Variants in ZNF644 observed in about 807,000 individuals in gnomAD.
The protein encoded by ZNF644 is zinc finger motif enhancer binding protein 2.
A neutral mutation model predicts 108.0 loss-of-function variants in ZNF644; 20 were observed. The ratio of observed to expected loss-of-function variants is 0.19; its 90% CI spans 0.13 to 0.27. The LOEUF is 0.27. ZNF644 is among the 10% of genes least tolerant of loss of function. ZNF644 has a pLI of 1.00. For missense variants in ZNF644, 1,338 were observed against 1,548.9 expected, an observed-to-expected ratio of 0.86 and a Z score of 2.29; for synonymous variants, 542 against 539.1, an observed-to-expected ratio of 1.01 and a Z score of -0.08.
chr1:90,999,169 T>A (rs1318804037), intron 1 of ZNF644, among the ~76,000 whole-genome samples: 1 of 152,008 alleles, frequency 6.6e-6, no homozygotes, highest in Non-Finnish European at 1.5e-5. Flanking sequence ...CAGGCCAACA[T>A]TCAAATTCAG....
intron 5 of ZNF644, 127 bp from the exon 6 acceptor site, chr1:90,917,117 A>G: frequency 3.1e-6 from 3 of 964,108 alleles, no homozygotes; most frequent in South Asian, 1.5e-5. Context: ...TAAAGTTTCT[A>G]AAGTCAAATG....
In ZNF644 at chr1:91,002,059, C is replaced by T. The variant is rs189643607; in HGVS notation, c.-17-19689G>A. 1.6e-3 allele frequency among the ~76,000 whole-genome samples: 239 copies of T among 152,300 alleles called. 1 individual carries two copies. Among genetic ancestry groups the T allele is most frequent in the African/African-American group, 5.7e-3 (235 of 41,564 alleles). On this transcript the variant is annotated intron_variant, in intron 1 of 5. Transcript: ENST00000337393. ...CAAACAAATGGAAGAACATTCCATG[C>T]TCATGGATAGGAAGAATCAGTATCG... is the stretch of plus-strand genomic sequence containing the variant.
Position 90,937,886 on chromosome 1 carries a change from A to G in ZNF644, c.3287T>C (p.Leu1096Ser). 6.2e-7 allele frequency: 1 copy of G among 1,613,874 alleles called. No homozygotes were observed. Among genetic ancestry groups the G allele is most frequent in the South Asian group, 1.1e-5 (1 of 91,064 alleles). Reference sequence around the variant, plus strand: ...TCTGGGAATAATACGACGACTGTTCAATGCCTTTAAGATTTTTTCATATTT... The same window carrying G: ...TCTGGGAATAATACGACGACTGTTCGATGCCTTTAAGATTTTTTCATATTT... ...EEKYEKILKA[L>S]NSRRIIPRPF... Residue 1096 changes from leucine (L) to serine (S), a missense_variant, in exon 4 of 6, where the codon TTG (leucine) becomes TCG (serine). Coordinates refer to ENST00000337393, the MANE Select transcript of ZNF644 (RefSeq NM_201269.3).
At chr1:91,006,957 GA>G (rs1659486598) in intron 1 of ZNF644, among the ~76,000 whole-genome samples, 1 of 152,066 alleles carries the variant, frequency 6.6e-6, no homozygotes, top group Non-Finnish European at 1.5e-5. Flanking sequence ...GAATAGTTTG[GA>G]AATAACTTTC....
In ZNF644 at chr1:90,940,587, T is replaced by C. The variant is rs375296815; in HGVS notation, c.767A>G (p.Asp256Gly). The C allele has an allele frequency of 9.3e-6, 15 of 1,614,010 alleles. No individual in the cohort carries two copies. The African/African-American group carries it at 1.9e-4, about 20-fold the overall frequency. The change falls in exon 3 of 6, where the codon GAT becomes GGT. Residue 256 changes from aspartate to glycine, a missense_variant. Coordinates refer to ENST00000337393, the MANE Select transcript of ZNF644 (RefSeq NM_201269.3). ...CTCTTTTTGGGGATCCCAGTTTGTA[T>C]CATTTTCTGACCTAAATCCATCTGT... The part of the protein sequence containing the change: ...SGTDGFRSEN[D>G]TNWDPQKEFI...
chr1:91,013,451 TCA>T (rs10590932), intron 1 of ZNF644, among the ~76,000 whole-genome samples: 32,656 of 139,652 alleles, frequency 0.23, 3,599 homozygotes, highest in Middle Eastern at 0.34. Flanking sequence ...AATCTCTCTC[TCA>T]CACACACACA....
chr1:90,947,344 A>G (rs1652623085), intron 2 of ZNF644, among the ~76,000 whole-genome samples: 1 of 152,204 alleles, frequency 6.6e-6, no homozygotes, highest in South Asian at 2.1e-4. Flanking sequence ...TAAGCATTTA[A>G]GCATTTGAAA....
intron 1 of ZNF644, among the ~76,000 whole-genome samples, chr1:91,003,026 A>G (rs575010719): frequency 7.2e-5 from 11 of 152,312 alleles, no homozygotes; most frequent in East Asian, 1.9e-4. Flanking sequence ...AAAAGTCAGG[A>G]AACAACAGGT....
Position 90,982,417 on chromosome 1 carries a change from G to T in ZNF644, c.-17-47C>A. ...ACCAAGGTTTAATTTTTTGTTTCAGGCATGAATAACCATAGCTACAATACA... is the reference window on the plus strand; with the variant it reads ...ACCAAGGTTTAATTTTTTGTTTCAGTCATGAATAACCATAGCTACAATACA... On this transcript the variant is annotated intron_variant, in intron 1 of 5. Transcript: ENST00000337393. 2.9e-6 allele frequency: 4 copies of T among 1,395,158 alleles called. No homozygotes were observed. The South Asian group carries it at 4.6e-5, about 16-fold the overall frequency. 86.4% of individuals were successfully genotyped at this position (1,395,158 alleles called of 1,614,324 possible).
At chr1:90,973,703 A>G (rs980973097) in intron 2 of ZNF644, among the ~76,000 whole-genome samples, 1 of 152,162 alleles carries the variant, frequency 6.6e-6, no homozygotes, top group Non-Finnish European at 1.5e-5. Flanking sequence ...TGTTTTTACC[A>G]GTTTAAAAAA....
At chr1:91,020,676 G>A (rs184841661) in intron 1 of ZNF644, 2 of 152,286 alleles carry the variant, frequency 1.3e-5, no homozygotes, top group Admixed American at 6.5e-5. Flanking sequence ...TCCTTTCTTT[G>A]AGAAACTTTA....
At chr1:90,999,786 A>G (rs1160490602) in intron 1 of ZNF644, among the ~76,000 whole-genome samples, 1 of 152,168 alleles carries the variant, frequency 6.6e-6, no homozygotes, top group Non-Finnish European at 1.5e-5. Context: ...CTGTATTCAG[A>G]AGACCCATCT....
intron 2 of ZNF644, among the ~76,000 whole-genome samples, chr1:90,968,807 T>C (rs1033138771): frequency 2.6e-5 from 4 of 152,214 alleles, no homozygotes; most frequent in Non-Finnish European, 2.9e-5. Context: ...AATAGATATA[T>C]TGATAAATAG....
chr1:90,922,334 G>A (rs1649537924), intron 4 of ZNF644, among the ~76,000 whole-genome samples: 1 of 152,124 alleles, frequency 6.6e-6, no homozygotes, highest in African/African-American at 2.4e-5. Context: ...CAAAGTAAGA[G>A]GCACAGTATA....
intron 1 of ZNF644, among the ~76,000 whole-genome samples, chr1:91,012,112 G>C (rs1380797651): frequency 6.6e-6 from 1 of 151,710 alleles, no homozygotes; most frequent in Non-Finnish European, 1.5e-5. Flanking sequence ...TCACTGGGGG[G>C]AAAAAAGGGC....
At chr1:90,949,479 T>C (rs1652863609) in intron 2 of ZNF644, among the ~76,000 whole-genome samples, 1 of 152,178 alleles carries the variant, frequency 6.6e-6, no homozygotes, top group Non-Finnish European at 1.5e-5. Context: ...AATTTGCTTT[T>C]CTTGAAACAA....
chr1:90,922,992 A>G lies in ZNF644; in HGVS notation c.3689-4838T>C, dbSNP rs151054307. On this transcript the variant is annotated intron_variant, in intron 4 of 5. Coordinates refer to ENST00000337393, the MANE Select transcript of ZNF644 (RefSeq NM_201269.3). ...AAAGAATCAGGGCCTTTTTTTAGAAAACAACAACAACAACAAAAACATGCT... is the reference window on the plus strand; with the variant it reads ...AAAGAATCAGGGCCTTTTTTTAGAAGACAACAACAACAACAAAAACATGCT... 1.8e-3 allele frequency among the ~76,000 whole-genome samples: 279 copies of G among 152,190 alleles called. 1 individual carries two copies. The highest frequency in any genetic ancestry group is 6.3e-3 in the African/African-American group (263 of 41,540).
intron 1 of ZNF644, among the ~76,000 whole-genome samples, chr1:91,007,339 G>T (rs554036089): frequency 7.1e-6 from 1 of 140,420 alleles, no homozygotes. Flanking sequence ...AGGTTCAAGC[G>T]ATTTGCTGGG....
chr1:90,925,968 G>C (rs1649985417), intron 4 of ZNF644, among the ~76,000 whole-genome samples: 1 of 152,028 alleles, frequency 6.6e-6, no homozygotes. Context: ...TGGGACAGGA[G>C]GTAAAGCAAG....
Sources: allele counts gnomAD v4.1 joint callset (sites outside exome capture counted in the v4.1 genomes callset), GRCh38; gene constraint gnomAD v4.1.1; transcripts MANE v1.5; gene names NCBI Gene and HGNC (gene_info 2026-07-23, HGNC 2026-07-21).